FARP2: variants seen among roughly 807,000 people sequenced by gnomAD.
FARP2 encodes the protein FERM, ARHGEF and pleckstrin domain-containing protein 2.
In FARP2, 111 loss-of-function variants were observed where a neutral mutation model predicts 130.5. The observed-to-expected ratio is 0.85, with a 90% CI of 0.73 to 1.00. FARP2 has a LOEUF of 1.00. FARP2 is among the 50% of genes least tolerant of loss of function. The pLI is 0.00. For synonymous variants in FARP2, 504 were observed against 516.9 expected, an observed-to-expected ratio of 0.98 and a Z score of 0.34; for missense variants, 1,385 against 1,346.3, an observed-to-expected ratio of 1.03 and a Z score of -0.45.
At chr2:241,464,270 G>A (rs548020464) in intron 17 of FARP2, among the ~76,000 whole-genome samples, 1 of 150,622 alleles carries the variant, frequency 6.6e-6, no homozygotes, top group African/African-American at 2.5e-5. Flanking sequence ...GGTTTCCTGA[G>A]AACAGGGTTC....
intron 21 of FARP2, 96 bp downstream of exon 21, chr2:241,484,427 ACT>A: frequency 1.0e-6 from 1 of 955,360 alleles, no homozygotes; most frequent in East Asian, 2.5e-5. Flanking sequence ...ACCCAGCAAC[ACT>A]GAGAGCAGCA....
chr2:241,469,237 C>T (rs1222000346), intron 18 of FARP2, among the ~76,000 whole-genome samples: 1 of 152,096 alleles, frequency 6.6e-6, no homozygotes, highest in Non-Finnish European at 1.5e-5. Context: ...CAGGCGCCCG[C>T]CACCACACCC....
intron 8 of FARP2, among the ~76,000 whole-genome samples, chr2:241,431,475 CA>C (rs200342833): frequency 2.7e-5 from 4 of 150,926 alleles, no homozygotes; most frequent in Non-Finnish European, 4.4e-5. Context: ...GACTCCATCT[CA>C]AAAAAAAATT....
intron 2 of FARP2, among the ~76,000 whole-genome samples, chr2:241,373,790 T>C (rs1311843994): frequency 6.6e-6 from 1 of 152,246 alleles, no homozygotes; most frequent in African/African-American, 2.4e-5. Context: ...TGTTAACATA[T>C]AACTTAATTT....
At chr2:241,478,970 C>T (rs2064546137) in intron 19 of FARP2, 3 of 431,192 alleles carry the variant, frequency 7.0e-6, no homozygotes, top group Non-Finnish European at 1.3e-5. Context: ...CAAGATTTTG[C>T]AAGAACAAGG....
rs1346709054 is a variant in FARP2 at position 241,463,687 on chromosome 2, C to G, written c.1812-212C>G. 1.0e-5 allele frequency: 7 copies of G among 681,890 alleles called. No individual in the cohort carries two copies. The East Asian group carries it at 1.9e-4, about 19-fold the overall frequency. The allele number at this position is 681,890 out of a possible 1,614,324, so 42.2% of individuals were successfully genotyped here. A position where few individuals can be genotyped will look rare whatever the true frequency, so the allele number is the denominator to read the frequency against. On this transcript the variant is annotated intron_variant, in intron 16 of 26. Transcript: ENST00000264042. Reference sequence around the variant, plus strand: ...GGAGCAAGTTAAAAATGGAAGATCCCTTTTTGCCTGGTTACTATCTGTTTT... The same window carrying G: ...GGAGCAAGTTAAAAATGGAAGATCCGTTTTTGCCTGGTTACTATCTGTTTT...
intron 18 of FARP2, among the ~76,000 whole-genome samples, chr2:241,473,412 C>T (rs1010833411): frequency 5.2e-4 from 79 of 152,200 alleles, no homozygotes; most frequent in African/African-American, 1.9e-3. Flanking sequence ...CTGAGGGACC[C>T]TGTTCTGCAG....
intron 14 of FARP2, among the ~76,000 whole-genome samples, chr2:241,458,340 C>T (rs1300094680): frequency 6.6e-6 from 1 of 152,152 alleles, no homozygotes. Context: ...CACCTCAGCA[C>T]TCCTGCTTTG....
intron 5 of FARP2, among the ~76,000 whole-genome samples, chr2:241,408,420 T>A (rs574472766): frequency 3.3e-5 from 5 of 151,774 alleles, no homozygotes; most frequent in African/African-American, 1.2e-4. Flanking sequence ...GCAGGCATCT[T>A]TAATCCCAGC....
chr2:241,418,193 G>A (rs2150373435), intron 8 of FARP2, 84 bp downstream of exon 8: 1 of 1,464,840 alleles, frequency 6.8e-7, no homozygotes, highest in African/African-American at 1.4e-5. Flanking sequence ...ATAGATGTTA[G>A]TAAATATTTG....
At chr2:241,404,005 A>G (rs758109442) in intron 3 of FARP2, 73 bp downstream of exon 3, 2 of 773,898 alleles carry the variant, frequency 2.6e-6, no homozygotes, top group Admixed American at 2.0e-5. Flanking sequence ...ATCTTTCATC[A>G]TTGCCACATC....
At chr2:241,479,095 A>G in intron 19 of FARP2, 1 of 470,752 alleles carries the variant, frequency 2.1e-6, no homozygotes, top group Non-Finnish European at 3.8e-6. Flanking sequence ...CCTGCTTTTG[A>G]TCATTTTTCT....
intron 13 of FARP2, among the ~76,000 whole-genome samples, chr2:241,450,509 T>C (rs1185115318): frequency 1.3e-5 from 2 of 149,598 alleles, no homozygotes; most frequent in Non-Finnish European, 3.0e-5. Context: ...CTACTAAAAA[T>C]ACGAAAATTA....
At chr2:241,424,600 A>G (rs1001209139) in intron 8 of FARP2, among the ~76,000 whole-genome samples, 2 of 152,226 alleles carry the variant, frequency 1.3e-5, no homozygotes, top group Non-Finnish European at 2.9e-5. Flanking sequence ...GACAAGAAAT[A>G]GCCAAGATCA....
intron 19 of FARP2, among the ~76,000 whole-genome samples, chr2:241,479,178 G>A (rs1186495522): frequency 6.6e-6 from 1 of 152,226 alleles, no homozygotes; most frequent in African/African-American, 2.4e-5. Context: ...TCCAAGGCCA[G>A]GTGTCCCCAA....
chr2:241,428,375 C>T (rs1033141160), intron 8 of FARP2, among the ~76,000 whole-genome samples: 8 of 151,180 alleles, frequency 5.3e-5, no homozygotes, highest in Non-Finnish European at 8.8e-5. Context: ...GCTAGGATTA[C>T]AGGCACTGGC....
chr2:241,377,207 C>T (rs1414694996), intron 2 of FARP2, among the ~76,000 whole-genome samples: 3 of 152,012 alleles, frequency 2.0e-5, no homozygotes, highest in African/African-American at 7.2e-5. Flanking sequence ...CTAGCTTCTT[C>T]TGTATTCTCA....
At chr2:241,394,808 C>T (rs1450112145) in intron 2 of FARP2, among the ~76,000 whole-genome samples, 1 of 152,140 alleles carries the variant, frequency 6.6e-6, no homozygotes, top group African/African-American at 2.4e-5. Context: ...AAGGGCTCTC[C>T]CTCTCATCTG....
intron 1 of FARP2, among the ~76,000 whole-genome samples, chr2:241,367,042 G>T (rs908154029): frequency 5.3e-5 from 8 of 152,070 alleles, no homozygotes; most frequent in South Asian, 4.1e-4. Context: ...CAGAGTTCTT[G>T]AGTTGTTGAC....
Sources: allele counts gnomAD v4.1 joint callset (sites outside exome capture counted in the v4.1 genomes callset), GRCh38; gene constraint gnomAD v4.1.1; transcripts MANE v1.5; gene names NCBI Gene and HGNC (gene_info 2026-07-23, HGNC 2026-07-21).